The following PTPRD variants were observed in gnomAD, a reference collection of about 807,000 sequenced individuals.
PTPRD encodes receptor-type tyrosine-protein phosphatase delta.
A neutral mutation model predicts 214.5 loss-of-function variants in PTPRD; 34 were observed. The observed-to-expected ratio is 0.16, with a 90% CI of 0.12 to 0.21. The LOEUF (loss-of-function observed/expected upper bound fraction) is 0.21. PTPRD is among the 10% of genes least tolerant of loss of function. PTPRD has a pLI of 1.00. For missense variants in PTPRD, 2,545 were observed against 2,398.7 expected, an observed-to-expected ratio of 1.06 and a Z score of -1.27; for synonymous variants, 1,128 against 845.7, an observed-to-expected ratio of 1.33 and a Z score of -5.79.
chr9:9,040,581 T>C (rs999527077), intron 10 of PTPRD, among the ~76,000 whole-genome samples: 2 of 19,892 alleles, frequency 1.0e-4, no homozygotes, highest in Middle Eastern at 0.028. Flanking sequence ...CCCGAAGAAT[T>C]TTTTTTTTCA....
At chr9:8,856,764 C>T (rs2097923255) in intron 11 of PTPRD, among the ~76,000 whole-genome samples, 1 of 152,170 alleles carries the variant, frequency 6.6e-6, no homozygotes, top group Non-Finnish European at 1.5e-5. Context: ...ATCTGGAATC[C>T]TGGAACACCA....
chr9:8,984,154 C>T (rs958429508), intron 11 of PTPRD, among the ~76,000 whole-genome samples: 10 of 151,876 alleles, frequency 6.6e-5, no homozygotes, highest in Non-Finnish European at 1.5e-4. Flanking sequence ...AAAAACAATA[C>T]AAAGACATGT....
chr9:8,332,352 C>T (rs912144339), intron 43 of PTPRD, among the ~76,000 whole-genome samples: 1 of 152,222 alleles, frequency 6.6e-6, no homozygotes, highest in Admixed American at 6.5e-5. Flanking sequence ...CAGAGGAATA[C>T]CATTTCTAGC....
intron 10 of PTPRD, among the ~76,000 whole-genome samples, chr9:9,098,500 C>T (rs2099786875): frequency 6.6e-6 from 1 of 152,172 alleles, no homozygotes; most frequent in African/African-American, 2.4e-5. Context: ...CCACCAGCCT[C>T]AGCCTCCCAA....
chr9:8,850,171 G>C (rs888658262), intron 11 of PTPRD, among the ~76,000 whole-genome samples: 2 of 152,084 alleles, frequency 1.3e-5, no homozygotes, highest in Non-Finnish European at 2.9e-5. Context: ...GGATACAGGA[G>C]AGCCTCCCAT....
intron 7 of PTPRD, among the ~76,000 whole-genome samples, chr9:9,620,429 A>G (rs1318009387): frequency 6.6e-6 from 1 of 152,176 alleles, no homozygotes; most frequent in African/African-American, 2.4e-5. Flanking sequence ...ATTGTATTCC[A>G]TAACATTCTT....
chr9:9,529,312 A>C (rs779736991), intron 8 of PTPRD, among the ~76,000 whole-genome samples: 49 of 152,150 alleles, frequency 3.2e-4, no homozygotes, highest in Non-Finnish European at 5.7e-4. Context: ...AAAAAAAAAA[A>C]GTCAGTCTTT....
rs549392994 is a variant in PTPRD, at chr9:8,588,473, G to GT, written c.352+44843dup. ...CACAACAGTGGATAGGGAATGAACTGTTTTTTTTAAACCACAATTCTTTTT... is the reference window on the plus strand; with the variant it reads ...CACAACAGTGGATAGGGAATGAACTGTTTTTTTTTAAACCACAATTCTTTTT... On this transcript the variant is annotated intron_variant, in intron 14 of 45. Transcript: ENST00000381196. Among the ~76,000 whole-genome samples the GT allele has an allele frequency of 6.7e-4, 102 of 151,998 alleles. 1 individual carries two copies. The highest frequency in any genetic ancestry group is 1.1e-3 in the Admixed American group (17 of 15,260).
At chr9:9,808,707 A>G (rs1300387166) in intron 5 of PTPRD, among the ~76,000 whole-genome samples, 2 of 152,210 alleles carry the variant, frequency 1.3e-5, no homozygotes, top group East Asian at 3.9e-4. Context: ...ATTATTTACT[A>G]TCCACTCTAA....
At chr9:9,694,408 A>G (rs1055050469) in intron 7 of PTPRD, among the ~76,000 whole-genome samples, 2 of 151,900 alleles carry the variant, frequency 1.3e-5, no homozygotes, top group African/African-American at 4.8e-5. Flanking sequence ...TCCCAAACAT[A>G]TGGAGTCTCT....
chr9:8,716,922 C>G (rs921908484), intron 12 of PTPRD, among the ~76,000 whole-genome samples: 2 of 152,134 alleles, frequency 1.3e-5, no homozygotes, highest in African/African-American at 4.8e-5. Flanking sequence ...GCTGGGCACT[C>G]TGGGAGGCTA....
chr9:10,483,050 T>C (rs1034201281), intron 2 of PTPRD, among the ~76,000 whole-genome samples: 8 of 152,162 alleles, frequency 5.3e-5, no homozygotes, highest in Admixed American at 4.6e-4. Flanking sequence ...TGTAAGGCTA[T>C]AGTAACCAAA....
At chr9:9,806,381 C>G (rs773945830) in intron 5 of PTPRD, among the ~76,000 whole-genome samples, 4 of 152,126 alleles carry the variant, frequency 2.6e-5, no homozygotes, top group Non-Finnish European at 5.9e-5. Context: ...GACATTCCCC[C>G]GCCTTTCTGA....
chr9:8,338,124 G>A (rs1332429477), intron 43 of PTPRD, among the ~76,000 whole-genome samples: 1 of 151,944 alleles, frequency 6.6e-6, no homozygotes, highest in Non-Finnish European at 1.5e-5. Flanking sequence ...AAAAACAATG[G>A]ATCAACTAAA....
chr9:9,541,476 T>C (rs572858855), intron 8 of PTPRD, among the ~76,000 whole-genome samples: 1 of 151,648 alleles, frequency 6.6e-6, no homozygotes, highest in Non-Finnish European at 1.5e-5. Context: ...TCAACAAATA[T>C]CATGTAGAGC....
intron 3 of PTPRD, among the ~76,000 whole-genome samples, chr9:10,331,250 G>T (rs954639128): frequency 6.6e-6 from 1 of 151,810 alleles, no homozygotes; most frequent in Non-Finnish European, 1.5e-5. Flanking sequence ...AATAAAAACA[G>T]CATGGTTTGG....
At chr9:8,841,639 C>A (rs1355543445) in intron 11 of PTPRD, among the ~76,000 whole-genome samples, 2 of 152,074 alleles carry the variant, frequency 1.3e-5, no homozygotes, top group African/African-American at 2.4e-5. Flanking sequence ...AAAACCCCTA[C>A]CTTTCAGAAA....
chr9:10,422,075 A>G (rs749914758), intron 2 of PTPRD, among the ~76,000 whole-genome samples: 1 of 152,060 alleles, frequency 6.6e-6, no homozygotes, highest in African/African-American at 2.4e-5. Context: ...ACAAGGATAC[A>G]GTAACCAAAA....
intron 7 of PTPRD, among the ~76,000 whole-genome samples, chr9:9,693,927 A>G (rs1238451306): frequency 1.3e-5 from 2 of 152,138 alleles, no homozygotes; most frequent in Non-Finnish European, 2.9e-5. Context: ...TTTTCACTCT[A>G]TAATTTCTGC....
Sources: allele counts gnomAD v4.1 joint callset (sites outside exome capture counted in the v4.1 genomes callset), GRCh38; gene constraint gnomAD v4.1.1; transcripts MANE v1.5; gene names NCBI Gene and HGNC (gene_info 2026-07-23, HGNC 2026-07-21).